Variants in FBXL17 observed in about 807,000 individuals in gnomAD.
FBXL17 encodes F-box/LRR-repeat protein 17.
In FBXL17, 22 loss-of-function variants were observed where a neutral mutation model predicts 66.2. That is an observed-to-expected ratio of 0.33 (90% confidence interval 0.24 to 0.47). The LOEUF (loss-of-function observed/expected upper bound fraction) is 0.47. Ranked by LOEUF, FBXL17 falls within the 20% of genes least tolerant of loss-of-function variation. The probability of loss-of-function intolerance (pLI) is 1.00; values close to 1 mark genes in which losing one functional copy is unlikely to be tolerated. For synonymous variants in FBXL17, 474 were observed against 400.5 expected, an observed-to-expected ratio of 1.18 and a Z score of -2.19; for missense variants, 878 against 948.2, an observed-to-expected ratio of 0.93 and a Z score of 0.97.
At chr5:108,340,682 G>T (rs1746819678) in intron 4 of FBXL17, among the ~76,000 whole-genome samples, 1 of 152,082 alleles carries the variant, frequency 6.6e-6, no homozygotes, top group South Asian at 2.1e-4. Context: ...AAAAACATTT[G>T]ACTCTTTAAG....
At chr5:108,230,648 C>T (rs912141648) in intron 4 of FBXL17, among the ~76,000 whole-genome samples, 6 of 139,776 alleles carry the variant, frequency 4.3e-5, no homozygotes, top group African/African-American at 8.1e-5. Flanking sequence ...GGGTGCACCA[C>T]GATCTCACAA....
intron 7 of FBXL17, among the ~76,000 whole-genome samples, chr5:108,016,760 A>T (rs67550053): frequency 0.19 from 28,817 of 148,022 alleles, 5,385 homozygotes; most frequent in African/African-American, 0.5. Context: ...GAAGTAAATT[A>T]TCTTTTTTTC....
chr5:108,344,542 A>G (rs1747125085), intron 4 of FBXL17, among the ~76,000 whole-genome samples: 1 of 152,214 alleles, frequency 6.6e-6, no homozygotes, highest in African/African-American at 2.4e-5. Flanking sequence ...ATCTACATCA[A>G]AAATACTCTG....
chr5:107,931,680 A>G (rs180738518), intron 7 of FBXL17, among the ~76,000 whole-genome samples: 101 of 152,292 alleles, frequency 6.6e-4, no homozygotes, highest in African/African-American at 2.4e-3. Flanking sequence ...AGTCTCTAGA[A>G]TATGTTTAAT....
At chr5:108,337,969 T>A (rs376362662) in intron 4 of FBXL17, among the ~76,000 whole-genome samples, 2 of 151,972 alleles carry the variant, frequency 1.3e-5, no homozygotes, top group Non-Finnish European at 2.9e-5. Context: ...TGAAAAACTA[T>A]AGAATGTATA....
chr5:108,140,664 T>C (rs1183415304), intron 6 of FBXL17, among the ~76,000 whole-genome samples: 1 of 152,214 alleles, frequency 6.6e-6, no homozygotes, highest in African/African-American at 2.4e-5. Context: ...CAGTCACCTA[T>C]AGATTGACAT....
At chr5:108,256,661 A>G (rs939318653) in intron 4 of FBXL17, among the ~76,000 whole-genome samples, 2 of 152,090 alleles carry the variant, frequency 1.3e-5, no homozygotes, top group Admixed American at 1.3e-4. Context: ...CAGACCCAAC[A>G]TATACACAAT....
In FBXL17 at chr5:108,030,916, GA is replaced by G. The variant is rs199802861; in HGVS notation, c.1746-9916del. Among the ~76,000 whole-genome samples, 32 of 152,064 alleles carry G rather than the reference GA, an allele frequency of 2.1e-4. No individual in the cohort carries two copies. In the East Asian group the frequency reaches 4.4e-3, roughly 21 times the overall value. On this transcript the variant is annotated intron_variant, in intron 6 of 8. Transcript: ENST00000542267. Reference sequence around the variant, plus strand: ...ATCCTGGTAATGACAGAATTTTATAGAAAAAAATAAAGTTAGAGCATAAATT... The same window carrying G: ...ATCCTGGTAATGACAGAATTTTATAGAAAAAATAAAGTTAGAGCATAAATT...
rs527248986 is a variant in FBXL17 at position 108,120,847 on chromosome 5, G to A, written c.1745+65270C>T. 1.2e-3 allele frequency among the ~76,000 whole-genome samples: 184 copies of A among 152,180 alleles called. 1 individual carries two copies. The highest frequency in any genetic ancestry group is 4.1e-3 in the African/African-American group (172 of 41,516). ...TTCACTGATGTATCCTTAGTGCCTAGAATAGTGCCTGGAAGCACTCAAATA... is the reference window on the plus strand; with the variant it reads ...TTCACTGATGTATCCTTAGTGCCTAAAATAGTGCCTGGAAGCACTCAAATA... On this transcript the variant is annotated intron_variant, in intron 6 of 8. Transcript: ENST00000542267.
intron 7 of FBXL17, among the ~76,000 whole-genome samples, chr5:107,978,278 T>A (rs1752663511): frequency 6.6e-6 from 1 of 152,152 alleles, no homozygotes; most frequent in Non-Finnish European, 1.5e-5. Context: ...GGAAATTTAG[T>A]TTATAGTTTA....
At chr5:108,083,086 C>A (rs897292582) in intron 6 of FBXL17, among the ~76,000 whole-genome samples, 1 of 151,992 alleles carries the variant, frequency 6.6e-6, no homozygotes, top group Non-Finnish European at 1.5e-5. Flanking sequence ...AAAATTATAA[C>A]CCCCAAATAA....
At chr5:108,068,458 T>TGG (rs113038445) in intron 6 of FBXL17, among the ~76,000 whole-genome samples, 4 of 120,230 alleles carry the variant, frequency 3.3e-5, no homozygotes, top group South Asian at 2.6e-4. Flanking sequence ...TTTCTTTTTT[T>TGG]GGGGGGGGGG....
At chr5:107,989,029 T>C (rs768019804) in intron 7 of FBXL17, among the ~76,000 whole-genome samples, 1 of 152,034 alleles carries the variant, frequency 6.6e-6, no homozygotes, top group Non-Finnish European at 1.5e-5. Flanking sequence ...TAATTGTATA[T>C]ATTTATGGGG....
At chr5:107,917,606 A>G (rs990538045) in intron 7 of FBXL17, among the ~76,000 whole-genome samples, 1 of 152,232 alleles carries the variant, frequency 6.6e-6, no homozygotes, top group African/African-American at 2.4e-5. Context: ...CTCATCTACT[A>G]TTTAGTCTGT....
Position 108,348,327 on chromosome 5 carries a change from TATAA to T in FBXL17, c.1506+68_1506+71del, listed in dbSNP as rs1168027078. On this transcript the variant is annotated intron_variant, in intron 4 of 8. Transcript: ENST00000542267. ...TCACAAGAAAATAAGCAGAAAAAAT[TATAA>T]ATAAACTTGAAAGAATTCGAAGGTT... The T allele has an allele frequency of 5.1e-6, 7 of 1,368,296 alleles. No individual in the cohort carries two copies. The African/African-American group carries it at 1.0e-4, about 20-fold the overall frequency. The allele number at this position is 1,368,296 out of a possible 1,614,324, so 84.8% of individuals were successfully genotyped here. A position where few individuals can be genotyped will look rare whatever the true frequency, so the allele number is the denominator to read the frequency against.
intron 6 of FBXL17, among the ~76,000 whole-genome samples, chr5:108,092,499 A>G (rs565869724): frequency 6.6e-6 from 1 of 152,192 alleles, no homozygotes; most frequent in East Asian, 1.9e-4. Flanking sequence ...TAGTTTTAGT[A>G]GATATGGGGT....
chr5:107,987,690 T>A (rs1397868060), intron 7 of FBXL17, among the ~76,000 whole-genome samples: 3 of 152,064 alleles, frequency 2.0e-5, no homozygotes, highest in African/African-American at 7.2e-5. Context: ...AATAAAGATA[T>A]TCAAAACCAA....
chr5:108,273,586 T>C (rs1757365668), intron 4 of FBXL17, among the ~76,000 whole-genome samples: 1 of 151,272 alleles, frequency 6.6e-6, no homozygotes, highest in African/African-American at 2.4e-5. Context: ...AAAGCTATGC[T>C]CAGAGGCAAA....
chr5:108,134,965 A>G (rs749342286), intron 6 of FBXL17, among the ~76,000 whole-genome samples: 1 of 152,156 alleles, frequency 6.6e-6, no homozygotes. Context: ...TTCTAAATAT[A>G]TTTTTGTCAT....
Sources: allele counts gnomAD v4.1 joint callset (sites outside exome capture counted in the v4.1 genomes callset), GRCh38; gene constraint gnomAD v4.1.1; transcripts MANE v1.5; gene names NCBI Gene and HGNC (gene_info 2026-07-23, HGNC 2026-07-21).